PRIM2: variants seen among roughly 807,000 people sequenced by gnomAD.
The protein encoded by PRIM2 is DNA primase large subunit.
In PRIM2, 39 loss-of-function variants were observed where a neutral mutation model predicts 67.3. The ratio of observed to expected loss-of-function variants is 0.58; its 90% CI spans 0.45 to 0.76. The LOEUF (loss-of-function observed/expected upper bound fraction) is 0.76. Among genes scored for constraint, PRIM2 ranks in the 30% least tolerant of loss-of-function variants. The pLI is 0.00. For missense variants in PRIM2, 398 were observed against 598.7 expected, an observed-to-expected ratio of 0.66 and a Z score of 3.50; for synonymous variants, 143 against 198.7, an observed-to-expected ratio of 0.72 and a Z score of 2.36.
chr6:57,269,703 C>A, the PRIM2 span, among the ~76,000 whole-genome samples: 1 of 152,094 alleles, frequency 6.6e-6, no homozygotes, highest in African/African-American at 2.4e-5. Flanking sequence ...GAGGTCCTTG[C>A]CCATGCCTCT....
At chr6:57,598,966 A>G in intron 10 of PRIM2, among the ~76,000 whole-genome samples, 2 of 18,386 alleles carry the variant, frequency 1.1e-4, no homozygotes, top group Non-Finnish European at 1.6e-4. Flanking sequence ...TTTTTTTTTG[A>G]GACGGAGTCT....
chr6:57,406,227 T>C (rs1187793650), intron 7 of PRIM2, among the ~76,000 whole-genome samples: 1 of 152,172 alleles, frequency 6.6e-6, no homozygotes, highest in East Asian at 1.9e-4. Context: ...TTAAGTTCTC[T>C]CATTTCTTCC....
chr6:57,539,654 G>GTATA (rs1412839076), intron 10 of PRIM2, among the ~76,000 whole-genome samples: 1 of 55,868 alleles, frequency 1.8e-5, no homozygotes. Flanking sequence ...GTGTGTGTGT[G>GTATA]TGTATATATA....
chr6:57,431,205 C>G (rs1771817848), intron 7 of PRIM2, among the ~76,000 whole-genome samples: 1 of 150,864 alleles, frequency 6.6e-6, no homozygotes, highest in Non-Finnish European at 1.5e-5. Context: ...TTGTACTATT[C>G]TTAGGTTTCT....
intron 7 of PRIM2, among the ~76,000 whole-genome samples, chr6:57,469,430 A>G (rs1481883793): frequency 1.3e-5 from 2 of 152,230 alleles, no homozygotes; most frequent in South Asian, 4.1e-4. Flanking sequence ...TGACATTCAA[A>G]TCTCGGAAAA....
intron 7 of PRIM2, among the ~76,000 whole-genome samples, chr6:57,406,788 C>G (rs1191418693): frequency 2.2e-4 from 33 of 152,076 alleles, no homozygotes; most frequent in East Asian, 5.8e-4. Flanking sequence ...TTTTTCATGC[C>G]TACATTTTAA....
intron 12 of PRIM2, among the ~76,000 whole-genome samples, chr6:57,618,165 G>A (rs1776787339): frequency 6.6e-6 from 1 of 152,176 alleles, no homozygotes; most frequent in African/African-American, 2.4e-5. Context: ...TTGAAATCAG[G>A]AAGCATGGAA....
intron 13 of PRIM2, among the ~76,000 whole-genome samples, chr6:57,640,944 A>AG (rs1465972160): frequency 6.6e-6 from 1 of 151,472 alleles, no homozygotes; most frequent in African/African-American, 2.4e-5. Flanking sequence ...AAAAAAACAA[A>AG]AAAAAAACAA....
At chr6:57,535,563 A>AT (rs1774986447) in intron 9 of PRIM2, among the ~76,000 whole-genome samples, 1 of 152,206 alleles carries the variant, frequency 6.6e-6, no homozygotes, top group African/African-American at 2.4e-5. Context: ...GTTATGTATA[A>AT]TTGAAAAGTA....
chr6:57,265,769 G>A, the PRIM2 span, among the ~76,000 whole-genome samples: 1 of 152,090 alleles, frequency 6.6e-6, no homozygotes, highest in Non-Finnish European at 1.5e-5. Flanking sequence ...TTTTCAATTT[G>A]CTCATTTGGA....
intron 10 of PRIM2, among the ~76,000 whole-genome samples, chr6:57,565,353 A>G (rs1195695555): frequency 2.0e-5 from 3 of 148,448 alleles, no homozygotes; most frequent in Non-Finnish European, 4.4e-5. Flanking sequence ...CTCTCTATAT[A>G]AAGATATTTT....
intron 5 of PRIM2, among the ~76,000 whole-genome samples, chr6:57,327,741 C>T (rs993312527): frequency 9.9e-5 from 15 of 152,074 alleles, no homozygotes; most frequent in Non-Finnish European, 1.9e-4. Flanking sequence ...GTTGAAATTA[C>T]TGATTTTTAG....
chr6:57,430,396 C>G (rs1396253137), intron 7 of PRIM2, among the ~76,000 whole-genome samples: 1 of 149,394 alleles, frequency 6.7e-6, no homozygotes, highest in Non-Finnish European at 1.5e-5. Context: ...ATATGGAAAA[C>G]GAAAGTAATT....
the PRIM2 span, among the ~76,000 whole-genome samples, chr6:57,228,722 C>T: frequency 1.3e-5 from 2 of 152,302 alleles, no homozygotes; most frequent in South Asian, 4.1e-4. Flanking sequence ...ATTTGAATTC[C>T]AGCTGTACCA....
At chr6:57,441,391 C>G (rs1341387555) in intron 7 of PRIM2, among the ~76,000 whole-genome samples, 2 of 151,726 alleles carry the variant, frequency 1.3e-5, no homozygotes, top group Non-Finnish European at 2.9e-5. Context: ...TCTTTTTTTT[C>G]TTTTTATTTG....
At chr6:57,410,084 C>T (rs1337505956) in intron 7 of PRIM2, among the ~76,000 whole-genome samples, 1 of 151,872 alleles carries the variant, frequency 6.6e-6, no homozygotes, top group African/African-American at 2.4e-5. Flanking sequence ...TTTGGGAGCC[C>T]CAGGTGGGTG....
intron 5 of PRIM2, among the ~76,000 whole-genome samples, chr6:57,330,384 T>TTTTTTTTTTTTTTTTTTG (rs1562696759): frequency 4.3e-4 from 15 of 35,136 alleles, no homozygotes; most frequent in African/African-American, 1.6e-3. Context: ...TGTTTTTTTG[T>TTTTTTTTTTTTTTTTTTG]TTTTTTTTTT....
At chr6:57,519,573 T>C (rs1190260453) in intron 8 of PRIM2, among the ~76,000 whole-genome samples, 2 of 152,254 alleles carry the variant, frequency 1.3e-5, no homozygotes, top group African/African-American at 4.8e-5. Flanking sequence ...CTCTCTCTTA[T>C]TCACTGAACA....
intron 10 of PRIM2, among the ~76,000 whole-genome samples, chr6:57,555,665 C>G (rs1775500548): frequency 6.6e-6 from 1 of 151,982 alleles, no homozygotes; most frequent in African/African-American, 2.4e-5. Context: ...AAAGAAGCAC[C>G]CTGAAGATCA....
Sources: gnomAD v4.1 joint callset for allele counts (sites outside exome capture counted in the v4.1 genomes callset) on GRCh38, gnomAD v4.1.1 for gene constraint, MANE v1.5 for transcripts, NCBI Gene and HGNC (gene_info 2026-07-23, HGNC 2026-07-21) for gene names.